The following KCNK3 variants were observed in gnomAD, a reference collection of about 807,000 sequenced individuals.
The protein encoded by KCNK3 is potassium channel subfamily K member 3.
In KCNK3, 9 loss-of-function variants were observed where a neutral mutation model predicts 27.3. The observed-to-expected ratio is 0.33, with a 90% confidence interval of 0.20 to 0.57. The LOEUF is 0.57. KCNK3 is among the 20% of genes least tolerant of loss of function. The pLI, the probability that KCNK3 is intolerant of heterozygous loss-of-function variation, is 0.87. For missense variants in KCNK3, 391 were observed against 577.7 expected (o/e 0.68, Z 3.31); for synonymous variants, 278 against 273.8 (o/e 1.02, Z -0.15).
At position 26,693,243 on chromosome 2, in the gene KCNK3, C is replaced by T. The variant is rs926416351; in HGVS notation, c.283+85C>T. Reference sequence around the variant, plus strand: ...GTCCGGGGCCGGCTGGGGCTGGGGGCGGGGGCTCCCCCGAGAGGGGCTGGG... The same window carrying T: ...GTCCGGGGCCGGCTGGGGCTGGGGGTGGGGGCTCCCCCGAGAGGGGCTGGG... On this transcript the variant is annotated intron_variant, in intron 1 of 1. Coordinates refer to ENST00000302909, the MANE Select transcript of KCNK3 (RefSeq NM_002246.3). This position sits in a 1 kb window ranked among gnomAD's most constrained non-coding sequence, Gnocchi z 5.5. 8.2e-6 allele frequency: 2 copies of T among 243,216 alleles called. No homozygotes were observed. Among genetic ancestry groups the T allele is most frequent in the Non-Finnish European group, 1.5e-5 (2 of 130,648 alleles). The allele number at this position is 243,216 out of a possible 1,614,324, so 15.1% of individuals were successfully genotyped here. A position where few individuals can be genotyped will look rare whatever the true frequency, so the allele number is the denominator to read the frequency against.
rs2148252014 is a variant in KCNK3 at position 26,693,481 on chromosome 2, G to A, written c.283+323G>A. ...CGGCGGAGGCTCGGGCAGGAGGGGTGTGGCCGGGCCAGGCCCTGAACAGGG... is the reference window on the plus strand; with the variant it reads ...CGGCGGAGGCTCGGGCAGGAGGGGTATGGCCGGGCCAGGCCCTGAACAGGG... On this transcript the variant is annotated intron_variant, in intron 1 of 1. Coordinates refer to ENST00000302909, the MANE Select transcript of KCNK3 (RefSeq NM_002246.3). This position sits in a 1 kb window ranked among gnomAD's most constrained non-coding sequence, Gnocchi z 5.5. 6.6e-6 allele frequency among the ~76,000 whole-genome samples: 1 copy of A among 152,332 alleles called. No homozygotes were observed. The highest frequency in any genetic ancestry group is 2.1e-4 in the South Asian group (1 of 4,824).
Position 26,693,295 on chromosome 2 carries a change from C to T in KCNK3, c.283+137C>T. 1.2e-6 allele frequency: 1 copy of T among 855,886 alleles called. No homozygotes were observed. The highest frequency in any genetic ancestry group is 1.7e-6 in the Non-Finnish European group (1 of 599,726). 53.0% of individuals were successfully genotyped at this position (855,886 alleles called of 1,614,324 possible). The stretch of plus-strand genomic sequence containing the variant: ...GCCGAACCCTGCGCTCGCAGAAACC[C>T]GAGTTCAGCCTGGCGTGTGTGCTCC... On this transcript the variant is annotated intron_variant, in intron 1 of 1. Coordinates refer to ENST00000302909, the MANE Select transcript of KCNK3 (RefSeq NM_002246.3). This position sits in a 1 kb window ranked among gnomAD's most constrained non-coding sequence, Gnocchi z 5.5.
intron 1 of KCNK3, among the ~76,000 whole-genome samples, chr2:26,704,016 A>T (rs1347743577): frequency 6.6e-6 from 1 of 152,122 alleles, no homozygotes; most frequent in African/African-American, 2.4e-5. Flanking sequence ...CCCCTGCCTG[A>T]GTCCTGACCA....
At chr2:26,722,875 G>A (rs1663349392) in intron 1 of KCNK3, among the ~76,000 whole-genome samples, 1 of 152,204 alleles carries the variant, frequency 6.6e-6, no homozygotes, top group Admixed American at 6.5e-5. Context: ...ATAAAAGGCA[G>A]TGGGAAAAGC....
At chr2:26,699,843 C>T (rs1325829458) in intron 1 of KCNK3, among the ~76,000 whole-genome samples, 1 of 152,212 alleles carries the variant, frequency 6.6e-6, no homozygotes, top group Non-Finnish European at 1.5e-5. Context: ...AAAGGACGCT[C>T]AGAGAAGTTC....
At chr2:26,715,003 T>C (rs1663203260) in intron 1 of KCNK3, among the ~76,000 whole-genome samples, 1 of 152,258 alleles carries the variant, frequency 6.6e-6, no homozygotes, top group Non-Finnish European at 1.5e-5. Context: ...CACATACCTG[T>C]GTGGCCTTGT....
intron 1 of KCNK3, among the ~76,000 whole-genome samples, chr2:26,702,124 G>A (rs1178879167): frequency 2.0e-5 from 3 of 152,028 alleles, no homozygotes; most frequent in Admixed American, 6.6e-5. Flanking sequence ...CTCCACCCTC[G>A]AGTAGGCCCC....
rs1663321391 is a variant in KCNK3 at position 26,721,149 on chromosome 2, C to A, written c.284-6518C>A. 6.6e-6 allele frequency among the ~76,000 whole-genome samples: 1 copy of A among 152,126 alleles called. No individual in the cohort carries two copies. Among genetic ancestry groups the A allele is most frequent in the Non-Finnish European group, 1.5e-5 (1 of 68,012 alleles). On this transcript the variant is annotated intron_variant, in intron 1 of 1. Coordinates refer to ENST00000302909, the MANE Select transcript of KCNK3 (RefSeq NM_002246.3). The surrounding 1 kb of genome is among the most constrained non-coding windows in gnomAD (Gnocchi z 4.3). ...TCAGAACTGGAGCCTCTGGGTTCTGCAGCCCTCCCACCCCAGGCCTGTGCT... is the reference window on the plus strand; with the variant it reads ...TCAGAACTGGAGCCTCTGGGTTCTGAAGCCCTCCCACCCCAGGCCTGTGCT...
At chr2:26,716,622 C>A (rs1663235381) in intron 1 of KCNK3, among the ~76,000 whole-genome samples, 1 of 152,098 alleles carries the variant, frequency 6.6e-6, no homozygotes, top group South Asian at 2.1e-4. Context: ...AAGGGGCCCT[C>A]CCAAGAGCTG....
chr2:26,719,411 C>T (rs543095119), intron 1 of KCNK3, among the ~76,000 whole-genome samples: 2 of 152,292 alleles, frequency 1.3e-5, no homozygotes, highest in South Asian at 2.1e-4. Flanking sequence ...TAGCTCCCCT[C>T]ATCAGAACCC....
At chr2:26,706,031 AC>A (rs1244825595) in intron 1 of KCNK3, among the ~76,000 whole-genome samples, 1 of 151,844 alleles carries the variant, frequency 6.6e-6, no homozygotes, top group African/African-American at 2.4e-5. Flanking sequence ...AGTCTGAAGG[AC>A]CCCCCAGGCG....
In KCNK3 at chr2:26,730,471, G is replaced by C. The variant is rs919539056; in HGVS notation, c.*1903G>C. 6.6e-6 allele frequency: 1 copy of C among 152,292 alleles called. No individual in the cohort carries two copies. The highest frequency in any genetic ancestry group is 1.5e-5 in the Non-Finnish European group (1 of 68,120). The allele number at this position is 152,292 out of a possible 1,614,324, so 9.4% of individuals were successfully genotyped here. On this transcript the variant is annotated 3_prime_UTR_variant, in exon 2 of 2. Coordinates refer to ENST00000302909, the MANE Select transcript of KCNK3 (RefSeq NM_002246.3). ...ACAGCTGGAGCCGGTATAATGACTG[G>C]GACAACATCAAGGGGTGGATGAGGG...
At position 26,730,202 on chromosome 2, in the gene KCNK3, T is replaced by C. The variant is rs1341678413; in HGVS notation, c.*1634T>C. On this transcript the variant is annotated 3_prime_UTR_variant, in exon 2 of 2. Transcript: ENST00000302909. ...ATCTGGGGCTCTAGGAATTTGGGAATTGGGCAGAGTGGCCAAGAAAGCTGG... is the reference window on the plus strand; with the variant it reads ...ATCTGGGGCTCTAGGAATTTGGGAACTGGGCAGAGTGGCCAAGAAAGCTGG... 1 of 152,408 alleles carries C rather than the reference T, an allele frequency of 6.6e-6. No individual in the cohort carries two copies. The highest frequency in any genetic ancestry group is 2.4e-5 in the African/African-American group (1 of 41,444). 9.4% of individuals were successfully genotyped at this position (152,408 alleles called of 1,614,324 possible).
At chr2:26,713,982 A>G (rs1348516462) in intron 1 of KCNK3, among the ~76,000 whole-genome samples, 1 of 151,954 alleles carries the variant, frequency 6.6e-6, no homozygotes, top group Non-Finnish European at 1.5e-5. Context: ...AGGCTGAGGC[A>G]GGAGAATCGC....
rs369557396 is a variant in KCNK3 at position 26,693,164 on chromosome 2, G to T, written c.283+6G>T. The T allele has an allele frequency of 1.1e-4, 163 of 1,474,990 alleles. No individual in the cohort carries two copies. The African/African-American group carries it at 2.2e-3, about 20-fold the overall frequency. 91.4% of individuals were successfully genotyped at this position (1,474,990 alleles called of 1,614,324 possible). On this transcript the variant is annotated splice_donor_region_variant and intron_variant, in intron 1 of 1. Coordinates refer to ENST00000302909, the MANE Select transcript of KCNK3 (RefSeq NM_002246.3). This position sits in a 1 kb window ranked among gnomAD's most constrained non-coding sequence, Gnocchi z 5.5. ...CACCGTCATCACCACCATCGGTAAC[G>T]GCTCGCCGGGCGGGGGGCGGGAACC...
intron 1 of KCNK3, among the ~76,000 whole-genome samples, chr2:26,712,600 T>A (rs1230507276): frequency 3.9e-5 from 6 of 151,968 alleles, no homozygotes; most frequent in Admixed American, 3.9e-4. Context: ...GTCCACCCTA[T>A]AACCTATCGG....
intron 1 of KCNK3, among the ~76,000 whole-genome samples, chr2:26,722,947 G>A (rs1663350700): frequency 2.0e-5 from 3 of 152,242 alleles, no homozygotes; most frequent in African/African-American, 7.2e-5. Flanking sequence ...AGGCCCAGAA[G>A]GAACTTGCCA....
At chr2:26,714,997 T>C (rs978503298) in intron 1 of KCNK3, among the ~76,000 whole-genome samples, 14 of 152,224 alleles carry the variant, frequency 9.2e-5, no homozygotes, top group Admixed American at 6.5e-4. Context: ...GGAGGCCACA[T>C]ACCTGTGTGG....
chr2:26,728,741 C>A lies in KCNK3; in HGVS notation c.*173C>A. On this transcript the variant is annotated 3_prime_UTR_variant, in exon 2 of 2. Coordinates refer to ENST00000302909, the MANE Select transcript of KCNK3 (RefSeq NM_002246.3). ...CCTGCTTGCACCAGCCGGCAGGAGG[C>A]CGGGCTCTGAGGACCCCTGGGGCCC... 1.8e-6 allele frequency: 1 copy of A among 548,938 alleles called. No individual in the cohort carries two copies. The highest frequency in any genetic ancestry group is 2.0e-5 in the African/African-American group (1 of 51,150). The allele number at this position is 548,938 out of a possible 1,614,324, so 34.0% of individuals were successfully genotyped here.
Sources: allele counts gnomAD v4.1 joint callset (sites outside exome capture counted in the v4.1 genomes callset), GRCh38; gene constraint gnomAD v4.1.1; non-coding constraint Gnocchi (gnomAD v3.1); transcripts MANE v1.5; gene names NCBI Gene and HGNC (gene_info 2026-07-23, HGNC 2026-07-21).